Variants in SCN2A observed in about 807,000 individuals in gnomAD.
SCN2A encodes the protein sodium channel protein type 2 subunit alpha.
Under a neutral mutation model 188.7 loss-of-function variants are expected in SCN2A, and 20 were observed. The ratio of observed to expected loss-of-function variants is 0.11; its 90% CI spans 0.07 to 0.15. SCN2A has a LOEUF of 0.15. Ranked by LOEUF, SCN2A falls within the 10% of genes least tolerant of loss-of-function variation. SCN2A has a pLI of 1.00. For missense variants in SCN2A, 1,278 were observed against 2,445.0 expected, an observed-to-expected ratio of 0.52 and a Z score of 10.07; for synonymous variants, 804 against 833.1, an observed-to-expected ratio of 0.97 and a Z score of 0.60.
chr2:165,266,293 T>C (rs1694858660), intron 1 of SCN2A: 1 of 152,058 alleles, frequency 6.6e-6, no homozygotes, highest in Non-Finnish European at 1.5e-5. Flanking sequence ...CAGACTTGGG[T>C]TTATTCCTGG....
At chr2:165,294,040 A>AAAAATTT (rs780674346) in intron 1 of SCN2A, 3 of 630,388 alleles carry the variant, frequency 4.8e-6, no homozygotes, top group Non-Finnish European at 5.6e-6. Flanking sequence ...AAAAAAAAAG[A>AAAAATTT]TTTTTTTTTT....
intron 3 of SCN2A, among the ~76,000 whole-genome samples, chr2:165,304,680 A>G (rs894436318): frequency 6.6e-6 from 1 of 152,188 alleles, no homozygotes; most frequent in Admixed American, 6.5e-5. Flanking sequence ...AGTACTAAAG[A>G]AAAAGAGAGG....
chr2:165,319,172 T>C (rs1697936594), intron 11 of SCN2A, among the ~76,000 whole-genome samples: 1 of 151,748 alleles, frequency 6.6e-6, no homozygotes, highest in South Asian at 2.1e-4. Context: ...CCATCTCTAC[T>C]AAAAAATACA....
intron 25 of SCN2A, among the ~76,000 whole-genome samples, chr2:165,386,067 A>G (rs1323751347): frequency 6.6e-6 from 1 of 152,210 alleles, no homozygotes; most frequent in African/African-American, 2.4e-5. Flanking sequence ...TCTTCCAAGT[A>G]TAAAACGAAA....
intron 1 of SCN2A, among the ~76,000 whole-genome samples, chr2:165,262,154 G>A (rs1694621059): frequency 6.6e-6 from 1 of 151,182 alleles, no homozygotes; most frequent in African/African-American, 2.4e-5. Flanking sequence ...GGGCACATGT[G>A]CAGAATGTGC....
intron 25 of SCN2A, among the ~76,000 whole-genome samples, chr2:165,385,173 G>C (rs1202969517): frequency 6.6e-6 from 1 of 152,112 alleles, no homozygotes; most frequent in Non-Finnish European, 1.5e-5. Context: ...CCAATAGAAA[G>C]AGGGCAGAAC....
intron 1 of SCN2A, among the ~76,000 whole-genome samples, chr2:165,291,467 T>TTTCC: frequency 2.6e-5 from 1 of 38,890 alleles, no homozygotes; most frequent in African/African-American, 8.2e-5. Context: ...TCTTTCTTTC[T>TTTCC]TTCTTTCTTT....
intron 16 of SCN2A, among the ~76,000 whole-genome samples, chr2:165,350,991 G>T (rs915720370): frequency 6.6e-6 from 1 of 152,196 alleles, no homozygotes; most frequent in Admixed American, 6.5e-5. Flanking sequence ...TATGTGCCAA[G>T]AACTGTGCTG....
intron 1 of SCN2A, chr2:165,269,730 A>G (rs1256651465): frequency 2.0e-5 from 3 of 152,056 alleles, no homozygotes; most frequent in Non-Finnish European, 2.9e-5. Flanking sequence ...AAGAATGTCA[A>G]TTCAACATAG....
chr2:165,330,171 A>G (rs1238281992), intron 13 of SCN2A, among the ~76,000 whole-genome samples: 1 of 152,180 alleles, frequency 6.6e-6, no homozygotes. Flanking sequence ...AATAGTATTA[A>G]AGTGACTGAC....
At chr2:165,324,975 A>G (rs1401269569) in intron 12 of SCN2A, among the ~76,000 whole-genome samples, 1 of 152,178 alleles carries the variant, frequency 6.6e-6, no homozygotes, top group Non-Finnish European at 1.5e-5. Context: ...GCTTCTTAAA[A>G]CTAGAGATTC....
At chr2:165,263,316 A>G (rs1376270710) in intron 1 of SCN2A, among the ~76,000 whole-genome samples, 2 of 152,052 alleles carry the variant, frequency 1.3e-5, no homozygotes, top group Non-Finnish European at 2.9e-5. Context: ...GCCCAAGCCA[A>G]TGTCTAGAAG....
chr2:165,345,036 G>A, intron 16 of SCN2A, 125 bp downstream of exon 16: 1 of 1,177,794 alleles, frequency 8.5e-7, no homozygotes, highest in Non-Finnish European at 1.2e-6. Flanking sequence ...TATTACTCAT[G>A]ACTGTAAGAG....
chr2:165,371,075 T>G (rs1322499660), intron 20 of SCN2A: 2 of 152,212 alleles, frequency 1.3e-5, no homozygotes, highest in Non-Finnish European at 2.9e-5. Context: ...TTATGCATGA[T>G]ACTATTTCTT....
At chr2:165,322,452 A>G (rs1698124714) in intron 11 of SCN2A, among the ~76,000 whole-genome samples, 1 of 152,156 alleles carries the variant, frequency 6.6e-6, no homozygotes, top group Non-Finnish European at 1.5e-5. Context: ...AAAAAATTAA[A>G]TGGTTGTGAT....
intron 1 of SCN2A, among the ~76,000 whole-genome samples, chr2:165,247,865 A>G (rs1221844334): frequency 1.3e-5 from 2 of 152,116 alleles, no homozygotes; most frequent in African/African-American, 4.8e-5. Flanking sequence ...CCTAAACTAA[A>G]TTTCGGATAG....
chr2:165,381,268 A>G (rs748030639), intron 25 of SCN2A, 71 bp downstream of exon 25: 1 of 1,117,080 alleles, frequency 9.0e-7, no homozygotes, highest in Non-Finnish European at 1.3e-6. Context: ...GAATTTCTAG[A>G]AACTAGTTAT....
At chr2:165,271,040 T>A (rs1695082536) in intron 1 of SCN2A, 1 of 152,068 alleles carries the variant, frequency 6.6e-6, no homozygotes, top group South Asian at 2.1e-4. Flanking sequence ...TAAAATACTG[T>A]GCATAAAAAC....
At chr2:165,252,949 G>A (rs1359857649) in intron 1 of SCN2A, among the ~76,000 whole-genome samples, 1 of 151,986 alleles carries the variant, frequency 6.6e-6, no homozygotes, top group East Asian at 1.9e-4. Flanking sequence ...TGGTTAATAG[G>A]CATTTTGTTC....
Sources: allele counts gnomAD v4.1 joint callset (sites outside exome capture counted in the v4.1 genomes callset), GRCh38; gene constraint gnomAD v4.1.1; transcripts MANE v1.5; gene names NCBI Gene and HGNC (gene_info 2026-07-23, HGNC 2026-07-21).